RNF17: variants seen among roughly 807,000 people sequenced by gnomAD.
RNF17 encodes the protein ring finger protein 17.
RNF17 carries 31 observed loss-of-function variants against 200.5 expected under a neutral mutation model. That is an observed-to-expected ratio of 0.15 (90% confidence interval 0.12 to 0.21). The LOEUF (loss-of-function observed/expected upper bound fraction) is 0.21, where lower values mean the gene tolerates loss of function less well. RNF17 is among the 10% of genes least tolerant of loss of function. The pLI is 1.00. For missense variants in RNF17, 1,628 were observed against 1,905.1 expected (o/e 0.85, Z 2.71); for synonymous variants, 606 against 637.8 (o/e 0.95, Z 0.75).
chr13:24,863,424 G>A (rs1482555617), intron 28 of RNF17, among the ~76,000 whole-genome samples: 1 of 152,136 alleles, frequency 6.6e-6, no homozygotes, highest in African/African-American at 2.4e-5. Flanking sequence ...GAAGAGTAGT[G>A]GTAGTGAATA....
intron 16 of RNF17, among the ~76,000 whole-genome samples, chr13:24,826,815 C>G (rs989975846): frequency 1.3e-5 from 2 of 151,570 alleles, no homozygotes; most frequent in Admixed American, 6.6e-5. Context: ...AATCCCAGCA[C>G]TTTGGGAGGC....
intron 24 of RNF17, among the ~76,000 whole-genome samples, chr13:24,852,382 C>T (rs561060353): frequency 4.5e-4 from 69 of 152,248 alleles, no homozygotes; most frequent in Non-Finnish European, 8.5e-4. Flanking sequence ...TCGTGATCTG[C>T]CCGCCTTGGC....
chr13:24,830,454 T>C, intron 16 of RNF17, 30 bp from the exon 17 acceptor site: 3 of 1,371,408 alleles, frequency 2.2e-6, no homozygotes, highest in Non-Finnish European at 3.1e-6. Context: ...GTTTCCAAGT[T>C]TGTAATTTCT....
At position 24,874,142 on chromosome 13, in the gene RNF17, T is replaced by C; in HGVS notation, c.4476T>C (p.Asp1492=). The C allele has an allele frequency of 6.2e-7, 1 of 1,611,080 alleles. No homozygotes were observed. The highest frequency in any genetic ancestry group is 8.5e-7 in the Non-Finnish European group (1 of 1,179,294). ...TGCCTTGCCTTGCAGAATATGATGA[T>C]GGCTTATGGTATAGAGCGAAGATTG... ...TEMPCLAEYD[D]GLWYRAKIVA... Residue 1492 remains aspartate (D), a synonymous_variant, in exon 33 of 36, where the codon GAT becomes GAC. Transcript: ENST00000255324.
chr13:24,824,384 A>C (rs905886187), intron 15 of RNF17: 2 of 435,306 alleles, frequency 4.6e-6, no homozygotes, highest in Admixed American at 8.3e-5. Context: ...GGTAAGTTAA[A>C]AGTAGTTTTA....
downstream of RNF17, among the ~76,000 whole-genome samples, chr13:24,881,145 T>C (rs1593519914): frequency 6.6e-6 from 1 of 151,896 alleles, no homozygotes; most frequent in South Asian, 2.1e-4. Context: ...TGTTCGTTCA[T>C]TTATCAACAT....
At chr13:24,792,531 G>C (rs1304431301) in intron 9 of RNF17, among the ~76,000 whole-genome samples, 1 of 152,148 alleles carries the variant, frequency 6.6e-6, no homozygotes, top group African/African-American at 2.4e-5. Context: ...CATGTCTCAG[G>C]TCTAATAAGA....
In RNF17 at chr13:24,859,080, A is replaced by G. The variant is rs201808277; in HGVS notation, c.3690A>G (p.Lys1230=). The G allele has an allele frequency of 6.2e-7, 1 of 1,613,280 alleles. No homozygotes were observed. The highest frequency in any genetic ancestry group is 1.7e-5 in the Admixed American group (1 of 59,976). ...GTCTTTTGGAGCCTTATTTCTGGAA[A>G]AAAGGAGAAGCATGTGCAGTAAGAG... The part of the protein sequence containing the change: ...CLGLLEPYFW[K]KGEACAVRGS... The change falls in exon 26 of 36, where the codon AAA becomes AAG. Residue 1230 remains lysine (K), a synonymous_variant. Coordinates refer to ENST00000255324, the MANE Select transcript of RNF17 (RefSeq NM_031277.3).
upstream of RNF17, among the ~76,000 whole-genome samples, chr13:24,763,354 C>A (rs568151606): frequency 2.5e-3 from 377 of 150,686 alleles, 5 homozygotes; most frequent in African/African-American, 9.1e-3. Flanking sequence ...AGGCGCCCAC[C>A]GCCACGTCCG....
rs200074669 is a variant in RNF17, at chr13:24,764,200, A to G, written c.-4A>G. The G allele has an allele frequency of 1.7e-4, 269 of 1,583,692 alleles. No individual in the cohort carries two copies. Among genetic ancestry groups the G allele is most frequent in the Non-Finnish European group, 2.0e-4 (234 of 1,156,974 alleles). ...GGCGGTTGTTCCAGAAGAAAGAGACAGCGATGGCGGCAGAGGCTTCGAAGA... is the reference window on the plus strand; with the variant it reads ...GGCGGTTGTTCCAGAAGAAAGAGACGGCGATGGCGGCAGAGGCTTCGAAGA... On this transcript the variant is annotated 5_prime_UTR_variant, in exon 1 of 36. Coordinates refer to ENST00000255324, the MANE Select transcript of RNF17 (RefSeq NM_031277.3).
rs1308702193 is a variant in RNF17 at position 24,804,328 on chromosome 13, A to G, written c.1990A>G (p.Thr664Ala). 9.3e-6 allele frequency: 15 copies of G among 1,611,926 alleles called. No individual in the cohort carries two copies. Among genetic ancestry groups the G allele is most frequent in the Non-Finnish European group, 1.3e-5 (15 of 1,178,176 alleles). The change falls in exon 15 of 36, where the codon ACT becomes GCT. Residue 664 changes from threonine to alanine, a missense_variant. Around this residue, in one of 5 missense-constraint regions of RNF17, gnomAD observed 289 missense variants for 384.9 expected, o/e 0.75. Coordinates refer to ENST00000255324, the MANE Select transcript of RNF17 (RefSeq NM_031277.3). ...QSLRSHFEKNTTLHYHPPILP... is the reference protein window; with the variant it reads ...QSLRSHFEKNATLHYHPPILP... ...ACTAAGAAGTCACTTTGAAAAAAATACTACTTTACACTATCATCCACCTAT... is the reference window on the plus strand; with the variant it reads ...ACTAAGAAGTCACTTTGAAAAAAATGCTACTTTACACTATCATCCACCTAT...
the RNF17 span, chr13:24,885,768 TG>T: frequency 4.7e-6 from 4 of 853,502 alleles, no homozygotes; most frequent in Admixed American, 7.4e-5. Flanking sequence ...TGTGAACTGC[TG>T]TCCTTTATCC....
At chr13:24,754,223 T>G in the RNF17 span, among the ~76,000 whole-genome samples, 640 of 152,030 alleles carry the variant, frequency 4.2e-3, 4 homozygotes, top group African/African-American at 0.014. Flanking sequence ...TTATTAAAAC[T>G]GTCTTAGTTT....
At chr13:24,832,002 T>A (rs984872072) in intron 18 of RNF17, 24 bp downstream of exon 18, 2 of 1,437,644 alleles carry the variant, frequency 1.4e-6, no homozygotes, top group Non-Finnish European at 1.9e-6. Flanking sequence ...TTACTTGTTA[T>A]GTAATCACAT....
intron 6 of RNF17, among the ~76,000 whole-genome samples, chr13:24,783,373 C>G (rs944107364): frequency 6.6e-6 from 1 of 152,142 alleles, no homozygotes; most frequent in African/African-American, 2.4e-5. Context: ...CTCAGGGTCT[C>G]TTAAGATTTC....
At chr13:24,825,188 A>G (rs1244953301) in intron 15 of RNF17, among the ~76,000 whole-genome samples, 1 of 152,210 alleles carries the variant, frequency 6.6e-6, no homozygotes, top group African/African-American at 2.4e-5. Context: ...GAAGCAGTAT[A>G]TAATCTTGGT....
chr13:24,841,074 T>G (rs1299800532), intron 18 of RNF17, among the ~76,000 whole-genome samples: 1 of 152,218 alleles, frequency 6.6e-6, no homozygotes, highest in Non-Finnish European at 1.5e-5. Flanking sequence ...TAAAGAAATT[T>G]GTCTACCATA....
intron 6 of RNF17, among the ~76,000 whole-genome samples, chr13:24,787,005 ATTG>A (rs1285778602): frequency 6.6e-6 from 1 of 151,278 alleles, no homozygotes; most frequent in Non-Finnish European, 1.5e-5. Flanking sequence ...ACTTCTCTTC[ATTG>A]TTGTTTTTAT....
At chr13:24,851,250 T>G (rs572760244) in intron 23 of RNF17, among the ~76,000 whole-genome samples, 1 of 152,340 alleles carries the variant, frequency 6.6e-6, no homozygotes, top group South Asian at 2.1e-4. Context: ...CACTTCTGCC[T>G]CTCAAAGTGC....
Sources: allele counts gnomAD v4.1 joint callset (sites outside exome capture counted in the v4.1 genomes callset), GRCh38; gene constraint gnomAD v4.1.1; regional missense constraint gnomAD v4.1.1; transcripts MANE v1.5; gene names NCBI Gene and HGNC (gene_info 2026-07-23, HGNC 2026-07-21).